Variants in ASTN2 observed in about 807,000 individuals in gnomAD.
The protein encoded by ASTN2 is astrotactin 2, also known as astrotactin-2.
In ASTN2, 54 loss-of-function variants were observed where a neutral mutation model predicts 139.8. That is an observed-to-expected ratio of 0.39 (90% CI 0.31 to 0.48). The LOEUF (loss-of-function observed/expected upper bound fraction) is 0.48. Ranked by LOEUF, ASTN2 falls within the 20% of genes least tolerant of loss-of-function variation. The pLI is 0.95. For missense variants in ASTN2, 1,565 were observed against 1,725.1 expected (o/e 0.91, Z 1.64); for synonymous variants, 756 against 719.5 (o/e 1.05, Z -0.81).
At chr9:117,120,529 G>A (rs1010743897) in intron 4 of ASTN2, among the ~76,000 whole-genome samples, 4 of 152,150 alleles carry the variant, frequency 2.6e-5, no homozygotes, top group African/African-American at 9.7e-5. Flanking sequence ...AGTGATAGCA[G>A]AGACCCCAGG....
chr9:116,740,761 G>A (rs942435119), intron 13 of ASTN2, among the ~76,000 whole-genome samples: 1 of 151,642 alleles, frequency 6.6e-6, no homozygotes, highest in Non-Finnish European at 1.5e-5. Flanking sequence ...GGATCTGCCC[G>A]TGTCAGCCTC....
At chr9:117,050,550 AG>A (rs1319956133) in intron 5 of ASTN2, among the ~76,000 whole-genome samples, 1 of 152,134 alleles carries the variant, frequency 6.6e-6, no homozygotes, top group Non-Finnish European at 1.5e-5. Flanking sequence ...CACCAGGCAA[AG>A]CTGTCCTTAC....
intron 2 of ASTN2, among the ~76,000 whole-genome samples, chr9:117,221,683 AACTGGTGATCC>A (rs555327602): frequency 9.1e-4 from 138 of 152,256 alleles, no homozygotes; most frequent in African/African-American, 3.2e-3. Flanking sequence ...GATGGCTGAG[AACTGGTGATCC>A]ACTGGGCCTT....
intron 4 of ASTN2, among the ~76,000 whole-genome samples, chr9:117,126,781 T>G (rs993737333): frequency 2.3e-4 from 35 of 152,194 alleles, no homozygotes; most frequent in Admixed American, 1.4e-3. Context: ...GAGTGAGTGA[T>G]TGATTGACTG....
intron 13 of ASTN2, among the ~76,000 whole-genome samples, chr9:116,754,526 T>C (rs554133924): frequency 6.6e-6 from 1 of 152,348 alleles, no homozygotes; most frequent in South Asian, 2.1e-4. Context: ...TGTCCACCTA[T>C]TTTTGTAAAT....
intron 3 of ASTN2, among the ~76,000 whole-genome samples, chr9:117,194,487 A>G (rs999891256): frequency 3.9e-5 from 6 of 152,226 alleles, no homozygotes; most frequent in African/African-American, 1.2e-4. Flanking sequence ...TGTAATGACA[A>G]TGTGTATTAT....
intron 20 of ASTN2, among the ~76,000 whole-genome samples, chr9:116,463,898 A>G (rs925742263): frequency 2.2e-5 from 3 of 139,474 alleles, no homozygotes; most frequent in Non-Finnish European, 3.2e-5. Flanking sequence ...CACCATGAAC[A>G]GAGTTTTGTG....
intron 6 of ASTN2, among the ~76,000 whole-genome samples, chr9:117,010,906 A>G (rs956086970): frequency 6.6e-6 from 1 of 152,186 alleles, no homozygotes; most frequent in Non-Finnish European, 1.5e-5. Flanking sequence ...GCTGTGAGCT[A>G]TCCCTGGAGA....
chr9:117,178,341 T>C (rs1200963716), intron 3 of ASTN2, among the ~76,000 whole-genome samples: 2 of 152,126 alleles, frequency 1.3e-5, no homozygotes, highest in Non-Finnish European at 2.9e-5. Context: ...AGACACTCAA[T>C]GAGTGTCAGT....
At chr9:116,682,201 A>G (rs1350995845) in intron 16 of ASTN2, among the ~76,000 whole-genome samples, 1 of 152,248 alleles carries the variant, frequency 6.6e-6, no homozygotes, top group East Asian at 1.9e-4. Context: ...CAACCCCATC[A>G]AAAAGTGGAC....
At chr9:117,373,896 G>C (rs946186568) in intron 1 of ASTN2, among the ~76,000 whole-genome samples, 4 of 152,168 alleles carry the variant, frequency 2.6e-5, no homozygotes, top group African/African-American at 9.7e-5. Flanking sequence ...ATGTTCCAGG[G>C]AAGAGCTAAT....
chr9:117,300,168 C>A (rs1046074939), intron 1 of ASTN2, among the ~76,000 whole-genome samples: 38 of 152,222 alleles, frequency 2.5e-4, no homozygotes, highest in African/African-American at 8.7e-4. Context: ...ATGTGCCAGG[C>A]ACAGTGCTAG....
intron 3 of ASTN2, among the ~76,000 whole-genome samples, chr9:117,195,865 A>G (rs1235613514): frequency 1.3e-5 from 2 of 152,128 alleles, no homozygotes; most frequent in African/African-American, 4.8e-5. Context: ...CTCCCAAACA[A>G]TAGGATCTCC....
intron 16 of ASTN2, among the ~76,000 whole-genome samples, chr9:116,716,170 T>C (rs143999235): frequency 9.5e-4 from 144 of 152,318 alleles, no homozygotes; most frequent in African/African-American, 3.2e-3. Context: ...GGAATGAGTA[T>C]GATTTTGCAC....
At chr9:117,385,054 T>C (rs1223660249) in intron 1 of ASTN2, among the ~76,000 whole-genome samples, 2 of 152,196 alleles carry the variant, frequency 1.3e-5, no homozygotes, top group Non-Finnish European at 2.9e-5. Context: ...CTCCACTATA[T>C]ATAGTATCGA....
chr9:117,102,946 TGAGA>T (rs974763231), intron 4 of ASTN2, among the ~76,000 whole-genome samples: 1 of 151,982 alleles, frequency 6.6e-6, no homozygotes, highest in Non-Finnish European at 1.5e-5. Flanking sequence ...GTGAGAGCTG[TGAGA>T]GAGACAGGGA....
At chr9:117,145,519 T>C (rs1293327944) in intron 3 of ASTN2, among the ~76,000 whole-genome samples, 1 of 152,216 alleles carries the variant, frequency 6.6e-6, no homozygotes, top group Non-Finnish European at 1.5e-5. Context: ...TTCAGTACCA[T>C]GTTTCTGACA....
intron 1 of ASTN2, among the ~76,000 whole-genome samples, chr9:117,386,464 C>CAGG (rs1023517364): frequency 1.1e-4 from 17 of 152,186 alleles, no homozygotes; most frequent in African/African-American, 4.1e-4. Context: ...TCTTAGCCAG[C>CAGG]AGGAGCTAAC....
At chr9:116,781,833 A>G (rs1478443283) in intron 13 of ASTN2, among the ~76,000 whole-genome samples, 1 of 152,092 alleles carries the variant, frequency 6.6e-6, no homozygotes, top group African/African-American at 2.4e-5. Flanking sequence ...TATTGTTGAA[A>G]AGAAGAAAGG....
Sources: gnomAD v4.1 joint callset for allele counts (sites outside exome capture counted in the v4.1 genomes callset) on GRCh38, gnomAD v4.1.1 for gene constraint, MANE v1.5 for transcripts, NCBI Gene and HGNC (gene_info 2026-07-23, HGNC 2026-07-21) for gene names.